MGST1: variants seen among roughly 807,000 people sequenced by gnomAD.
MGST1 encodes microsomal glutathione S-transferase 1.
Under a neutral mutation model 8.9 loss-of-function variants are expected in MGST1, and 5 were observed. That is an observed-to-expected ratio of 0.56 (90% CI 0.29 to 1.19). The LOEUF is 1.19. MGST1 is among the 50% of genes most tolerant of loss of function. MGST1 has a pLI of 0.08. For synonymous variants in MGST1, 54 were observed against 67.8 expected, an observed-to-expected ratio of 0.80 and a Z score of 1.00; for missense variants, 182 against 187.4, an observed-to-expected ratio of 0.97 and a Z score of 0.17.
intron 4 of MGST1, among the ~76,000 whole-genome samples, chr12:16,510,459 G>C (rs1480215101): frequency 1.3e-5 from 2 of 152,198 alleles, no homozygotes; most frequent in Non-Finnish European, 2.9e-5. Flanking sequence ...GGATGAAACA[G>C]AAAGCTATGC....
At chr12:16,418,050 G>A (rs1798378420) in intron 1 of MGST1, among the ~76,000 whole-genome samples, 1 of 152,024 alleles carries the variant, frequency 6.6e-6, no homozygotes, top group Admixed American at 6.6e-5. Context: ...AGACTTGGTG[G>A]CTGACTGCAC....
At position 16,523,592 on chromosome 12, in the gene MGST1, A is replaced by G. The variant is rs1941663117; in HGVS notation, n.483-65936A>G. Among the ~76,000 whole-genome samples, 3 of 152,020 alleles carry G rather than the reference A, an allele frequency of 2.0e-5. No homozygotes were observed. In the South Asian group the frequency reaches 6.2e-4, roughly 32 times the overall value. On this transcript the variant is annotated intron_variant and non_coding_transcript_variant, in intron 4 of 4. Coordinates refer to the MGST1 transcript ENST00000538857. Reference sequence around the variant, plus strand: ...GTACTTAAAAAAAATGCTTCACTGTATGTTACAAGACGGGCTTATGATTCT... The same window carrying G: ...GTACTTAAAAAAAATGCTTCACTGTGTGTTACAAGACGGGCTTATGATTCT...
chr12:16,357,284 G>C (rs1209823574), intron 2 of MGST1, among the ~76,000 whole-genome samples: 1 of 151,928 alleles, frequency 6.6e-6, no homozygotes, highest in Non-Finnish European at 1.5e-5. Context: ...TTTTGAGGCA[G>C]GGTCTTGCTC....
chr12:16,479,784 C>A (rs539332142), intron 4 of MGST1, among the ~76,000 whole-genome samples: 68 of 150,382 alleles, frequency 4.5e-4, no homozygotes, highest in African/African-American at 1.7e-3. Context: ...AACGCTCCTG[C>A]CTTGGCCTCC....
At chr12:16,551,593 C>CT (rs1292960664) in intron 4 of MGST1, among the ~76,000 whole-genome samples, 1,712 of 135,980 alleles carry the variant, frequency 0.013, 33 homozygotes, top group African/African-American at 0.041. Context: ...AGATGACTTG[C>CT]TTTTTTTTTT....
chr12:16,506,699 AAGTTGAAT>A (rs1941539520), intron 4 of MGST1, among the ~76,000 whole-genome samples: 1 of 152,164 alleles, frequency 6.6e-6, no homozygotes, highest in Non-Finnish European at 1.5e-5. Context: ...TACCATGGCA[AAGTTGAAT>A]AGTTGTAACA....
At chr12:16,509,712 C>T (rs946860260) in intron 4 of MGST1, among the ~76,000 whole-genome samples, 11 of 152,118 alleles carry the variant, frequency 7.2e-5, no homozygotes, top group African/African-American at 2.2e-4. Context: ...TGTAGTCTTC[C>T]GGAGTCAGTT....
downstream of MGST1, among the ~76,000 whole-genome samples, chr12:16,378,974 T>C (rs1158453196): frequency 2.0e-5 from 3 of 152,146 alleles, no homozygotes; most frequent in African/African-American, 4.8e-5. Context: ...ATAAGAATGC[T>C]TGTGATTTTT....
In MGST1 at chr12:16,364,317, C is replaced by T. The variant is rs1940141732; in HGVS notation, c.*276C>T. On this transcript the variant is annotated 3_prime_UTR_variant, in exon 4 of 4. Coordinates refer to ENST00000396210, the MANE Select transcript of MGST1 (RefSeq NM_020300.5). This position sits in a 1 kb window ranked among gnomAD's most constrained non-coding sequence, Gnocchi z 5.7. ...TATGATTTGTAACATTCACACAACA[C>T]CTCACTTTTGAATCTATAAAAGAAT... The T allele has an allele frequency of 3.7e-6, 4 of 1,085,744 alleles. No homozygotes were observed. In the East Asian group the frequency reaches 2.3e-4, roughly 62 times the overall value. The allele number at this position is 1,085,744 out of a possible 1,614,324, so 67.3% of individuals were successfully genotyped here.
intron 3 of MGST1, chr12:16,370,479 G>A (rs1444459249): frequency 1.3e-5 from 2 of 152,078 alleles, no homozygotes; most frequent in African/African-American, 4.8e-5. Flanking sequence ...TAAAATTTTT[G>A]TGTTAGTGTT....
At chr12:16,375,972 G>A (rs1469424116) in intron 3 of MGST1, 1 of 416,434 alleles carries the variant, frequency 2.4e-6, no homozygotes, top group Non-Finnish European at 4.0e-6. Context: ...AAATCTATGA[G>A]CTCATAAGAT....
At chr12:16,472,254 T>C (rs1409575843) in intron 4 of MGST1, among the ~76,000 whole-genome samples, 1 of 152,182 alleles carries the variant, frequency 6.6e-6, no homozygotes, top group Non-Finnish European at 1.5e-5. Context: ...TCTTGTCTCC[T>C]TCACAACCAG....
At chr12:16,470,758 T>G (rs1941285511) in intron 4 of MGST1, among the ~76,000 whole-genome samples, 1 of 152,182 alleles carries the variant, frequency 6.6e-6, no homozygotes, top group Non-Finnish European at 1.5e-5. Context: ...TTTAAAAAAT[T>G]ACCTTAAAAA....
At position 16,372,078 on chromosome 12, in the gene MGST1, T is replaced by C. The variant is rs181717396; in HGVS notation, c.222-4044T>C. Among the ~76,000 whole-genome samples the C allele has an allele frequency of 6.6e-5, 10 of 151,970 alleles. No individual in the cohort carries two copies. In the East Asian group the frequency reaches 1.9e-3, roughly 29 times the overall value. ...AAATCTAAGACCTGAGACTATGAAA[T>C]TATAAGAAGAAAACATTAAGGAAAC... On this transcript the variant is annotated intron_variant, in intron 3 of 3. Coordinates refer to the MGST1 transcript ENST00000535309.
Position 16,410,057 on chromosome 12 carries a change from C to T in MGST1, n.778+26453C>T, listed in dbSNP as rs954212723. ...CTGGGAAGTGAGTGGGGTAGTGTAG[C>T]GCAGATTTAACTCTGAGCTTTCTCT... On this transcript the variant is annotated intron_variant and non_coding_transcript_variant, in intron 1 of 1. Coordinates refer to the MGST1 transcript ENST00000359720. The surrounding 1 kb of genome is among the most constrained non-coding windows in gnomAD (Gnocchi z 4.4). Among the ~76,000 whole-genome samples, 19 of 152,184 alleles carry T rather than the reference C, an allele frequency of 1.2e-4. No homozygotes were observed. In the South Asian group the frequency reaches 2.5e-3, roughly 20 times the overall value.
chr12:16,556,330 G>T (rs1402584750), intron 4 of MGST1, among the ~76,000 whole-genome samples: 1 of 152,006 alleles, frequency 6.6e-6, no homozygotes, highest in East Asian at 1.9e-4. Context: ...ACCCTCCTGC[G>T]GTACCTTTTA....
chr12:16,424,205 C>A (rs1940865668), intron 1 of MGST1, among the ~76,000 whole-genome samples: 1 of 152,212 alleles, frequency 6.6e-6, no homozygotes, highest in African/African-American at 2.4e-5. Context: ...TTAGCACCTT[C>A]TTTGTGAAGG....
chr12:16,354,498 A>C, intron 2 of MGST1, 120 bp downstream of exon 2: 1 of 949,502 alleles, frequency 1.1e-6, no homozygotes, highest in Non-Finnish European at 1.5e-6. Context: ...TTATGCTGTA[A>C]GTGAAGTATG....
intron 4 of MGST1, among the ~76,000 whole-genome samples, chr12:16,448,448 T>C (rs893718383): frequency 6.6e-6 from 1 of 151,712 alleles, no homozygotes; most frequent in Non-Finnish European, 1.5e-5. Context: ...AAGACTTTGC[T>C]GCTATGATGC....
Sources: allele counts gnomAD v4.1 joint callset (sites outside exome capture counted in the v4.1 genomes callset), GRCh38; gene constraint gnomAD v4.1.1; non-coding constraint Gnocchi (gnomAD v3.1); transcripts MANE v1.5; gene names NCBI Gene and HGNC (gene_info 2026-07-23, HGNC 2026-07-21).